The following YBX3 variants were observed in gnomAD, a reference collection of about 807,000 sequenced individuals.
YBX3 encodes Y-box binding protein 3, also known as Y-box-binding protein 3.
Under a neutral mutation model 42.4 loss-of-function variants are expected in YBX3, and 29 were observed. The observed-to-expected ratio is 0.68, with a 90% CI of 0.51 to 0.93. YBX3 has a LOEUF of 0.93. Ranked by LOEUF, YBX3 falls within the 40% of genes least tolerant of loss-of-function variation. The pLI, the probability that YBX3 is intolerant of heterozygous loss-of-function variation, is 0.00. For missense variants in YBX3, 517 were observed against 527.5 expected, an observed-to-expected ratio of 0.98 and a Z score of 0.19; for synonymous variants, 195 against 189.8, an observed-to-expected ratio of 1.03 and a Z score of -0.22.
chr12:10,708,119 C>A (rs1335735655), intron 6 of YBX3, among the ~76,000 whole-genome samples: 1 of 152,202 alleles, frequency 6.6e-6, no homozygotes, highest in African/African-American at 2.4e-5. Flanking sequence ...GTAGATGCCA[C>A]AATGTTGCTC....
At chr12:10,707,816 G>C (rs1591576168) in intron 6 of YBX3, among the ~76,000 whole-genome samples, 1 of 152,204 alleles carries the variant, frequency 6.6e-6, no homozygotes, top group East Asian at 1.9e-4. Flanking sequence ...AGTTTCCTAA[G>C]TAAGCTCGGC....
At chr12:10,706,079 A>C (rs1393756961) in intron 6 of YBX3, among the ~76,000 whole-genome samples, 1 of 152,236 alleles carries the variant, frequency 6.6e-6, no homozygotes, top group African/African-American at 2.4e-5. Context: ...TTCAGTAGAC[A>C]GAACCATGGA....
At chr12:10,711,206 C>T (rs1482964453) in intron 5 of YBX3, 1 of 152,006 alleles carries the variant, frequency 6.6e-6, no homozygotes, top group Non-Finnish European at 1.5e-5. Context: ...TTTTAAAAAA[C>T]CAAACATCCT....
intron 4 of YBX3, among the ~76,000 whole-genome samples, chr12:10,714,772 TTTTA>T (rs1948241088): frequency 6.6e-6 from 1 of 152,060 alleles, no homozygotes; most frequent in Admixed American, 6.6e-5. Context: ...CTTTTTTTTT[TTTTA>T]AAAAACGGAA....
chr12:10,713,167 T>C (rs756169754), intron 5 of YBX3, 44 bp downstream of exon 5: 8 of 1,584,354 alleles, frequency 5.0e-6, no homozygotes, highest in South Asian at 4.6e-5. Flanking sequence ...ATTCCATGCA[T>C]GAACAATTTC....
chr12:10,721,108 TC>T lies in YBX3; in HGVS notation c.262+1741del, dbSNP rs528835773. Among the ~76,000 whole-genome samples the T allele has an allele frequency of 2.8e-3, 420 of 152,326 alleles. 1 individual carries two copies. The highest frequency in any genetic ancestry group is 9.7e-3 in the African/African-American group (404 of 41,568). On this transcript the variant is annotated intron_variant, in intron 1 of 9. Coordinates refer to ENST00000228251, the MANE Select transcript of YBX3 (RefSeq NM_003651.5). ...TTTAGTCAGCATTGTGCCTAGTACA[TC>T]TTAGGCATCTATGTGTTTGCTTGGC...
intron 7 of YBX3, 101 bp downstream of exon 7, chr12:10,703,950 C>T (rs1760900740): frequency 8.9e-7 from 1 of 1,121,380 alleles, no homozygotes; most frequent in Non-Finnish European, 1.3e-6. Flanking sequence ...TTCACATCTT[C>T]TAGATATATA....
intron 6 of YBX3, among the ~76,000 whole-genome samples, chr12:10,708,786 A>G (rs202204250): frequency 6.6e-6 from 1 of 152,260 alleles, no homozygotes; most frequent in African/African-American, 2.4e-5. Flanking sequence ...GGTGAAATAC[A>G]TTTTATTTCA....
At chr12:10,707,803 T>C (rs575510897) in intron 6 of YBX3, among the ~76,000 whole-genome samples, 8 of 152,218 alleles carry the variant, frequency 5.3e-5, no homozygotes, top group Non-Finnish European at 1.2e-4. Flanking sequence ...TGAGCCTCTC[T>C]TTAGTTTCCT....
In YBX3 at chr12:10,699,324, T is replaced by G. The variant is rs2120888118; in HGVS notation, c.*365A>C. On this transcript the variant is annotated 3_prime_UTR_variant, in exon 10 of 10. Coordinates refer to ENST00000228251, the MANE Select transcript of YBX3 (RefSeq NM_003651.5). ...TATTTCAGATTTCTTTGGTTGGGGTTCTCCCCATGTGGTATTAATATTTCT... is the reference window on the plus strand; with the variant it reads ...TATTTCAGATTTCTTTGGTTGGGGTGCTCCCCATGTGGTATTAATATTTCT... The G allele has an allele frequency of 6.6e-6, 1 of 152,616 alleles. No individual in the cohort carries two copies. Among genetic ancestry groups the G allele is most frequent in the South Asian group, 2.1e-4 (1 of 4,816 alleles). The allele number at this position is 152,616 out of a possible 1,614,324, so 9.5% of individuals were successfully genotyped here. A position where few individuals can be genotyped will look rare whatever the true frequency, so the allele number is the denominator to read the frequency against.
In YBX3 at chr12:10,702,213, T is replaced by A. The variant is rs769791212; in HGVS notation, c.879-79A>T. On this transcript the variant is annotated intron_variant, in intron 7 of 9. Coordinates refer to ENST00000228251, the MANE Select transcript of YBX3 (RefSeq NM_003651.5). ...CAGAAAATAAGGTTTTATTTATTTT[T>A]AAAAATTAAAAAGTCAAGTGATCAG... The A allele has an allele frequency of 9.9e-6, 14 of 1,408,130 alleles. No individual in the cohort carries two copies. The Admixed American group carries it at 1.6e-4, about 16-fold the overall frequency. 87.2% of individuals were successfully genotyped at this position (1,408,130 alleles called of 1,614,324 possible). A position where few individuals can be genotyped will look rare whatever the true frequency, so the allele number is the denominator to read the frequency against.
At chr12:10,707,778 A>AT (rs1281814469) in intron 6 of YBX3, among the ~76,000 whole-genome samples, 6 of 152,046 alleles carry the variant, frequency 3.9e-5, no homozygotes, top group African/African-American at 1.4e-4. Flanking sequence ...CTTCATTCAC[A>AT]TCATCCCCAT....
At position 10,722,836 on chromosome 12, in the gene YBX3, C is replaced by G; in HGVS notation, c.262+14G>C. On this transcript the variant is annotated intron_variant, in intron 1 of 9. Transcript: ENST00000228251. ...CCCACTACGGCAGCCCCTGCCCTCC[C>G]TGGCCTGACTCACCGAGAACTTTTT... The G allele has an allele frequency of 1.4e-6, 2 of 1,471,088 alleles. No homozygotes were observed. The highest frequency in any genetic ancestry group is 2.4e-5 in the Admixed American group (1 of 42,326). The allele number at this position is 1,471,088 out of a possible 1,614,324, so 91.1% of individuals were successfully genotyped here.
chr12:10,706,389 T>G (rs1948137172), intron 6 of YBX3, among the ~76,000 whole-genome samples: 1 of 152,196 alleles, frequency 6.6e-6, no homozygotes, highest in Non-Finnish European at 1.5e-5. Context: ...GAAACCTCAA[T>G]GGGGAATATG....
chr12:10,702,492 G>C (rs1948093259), intron 7 of YBX3: 1 of 157,338 alleles, frequency 6.4e-6, no homozygotes, highest in African/African-American at 2.4e-5. Context: ...CTCCAGCCTG[G>C]GTGACAGAGG....
At chr12:10,703,821 TTA>T in intron 7 of YBX3, 2 of 485,746 alleles carry the variant, frequency 4.1e-6, no homozygotes, top group Non-Finnish European at 7.4e-6. Context: ...AATTTACATC[TTA>T]TTATAATTCC....
intron 4 of YBX3, among the ~76,000 whole-genome samples, chr12:10,713,598 A>G (rs568151653): frequency 2.6e-4 from 39 of 152,344 alleles, no homozygotes; most frequent in African/African-American, 9.4e-4. Context: ...TAACCTCTTT[A>G]AAGAACATAA....
At position 10,723,294 on chromosome 12, in the gene YBX3, T is replaced by G; in HGVS notation, c.-183A>C. On this transcript the variant is annotated 5_prime_UTR_variant, in exon 1 of 10. Coordinates refer to ENST00000228251, the MANE Select transcript of YBX3 (RefSeq NM_003651.5). ...GCGGCTCGAGCTTCGTGCTGCGCGC[T>G]CTCTCTTGGGCTCCTCGCTCGATCT... The G allele has an allele frequency of 1.0e-6, 1 of 994,830 alleles. No individual in the cohort carries two copies. Among genetic ancestry groups the G allele is most frequent in the Non-Finnish European group, 1.3e-6 (1 of 790,942 alleles). 61.6% of individuals were successfully genotyped at this position (994,830 alleles called of 1,614,324 possible). A position where few individuals can be genotyped will look rare whatever the true frequency, so the allele number is the denominator to read the frequency against.
rs563298214 is a variant in YBX3 at position 10,701,222 on chromosome 12, C to T, written c.*34+32G>A. The stretch of plus-strand genomic sequence containing the variant: ...AACCAGTGATACTAAAAAGAAAATA[C>T]CAACTCAAGACTGGGCTGCCCCAGC... On this transcript the variant is annotated intron_variant, in intron 9 of 9. Coordinates refer to ENST00000228251, the MANE Select transcript of YBX3 (RefSeq NM_003651.5). The T allele has an allele frequency of 1.2e-5, 9 of 755,972 alleles. No homozygotes were observed. The African/African-American group carries it at 1.2e-4, about 10-fold the overall frequency. 46.8% of individuals were successfully genotyped at this position (755,972 alleles called of 1,614,324 possible).
Sources: gnomAD v4.1 joint callset for allele counts (sites outside exome capture counted in the v4.1 genomes callset) on GRCh38, gnomAD v4.1.1 for gene constraint, MANE v1.5 for transcripts, NCBI Gene and HGNC (gene_info 2026-07-23, HGNC 2026-07-21) for gene names.